WIPF1: variants seen among roughly 807,000 people sequenced by gnomAD.
WIPF1 encodes WAS/WASL-interacting protein family member 1.
A neutral mutation model predicts 35.4 loss-of-function variants in WIPF1; 13 were observed. The observed-to-expected ratio is 0.37, with a 90% CI of 0.24 to 0.58. The LOEUF is 0.58. WIPF1 is among the 20% of genes least tolerant of loss of function. The pLI is 0.74. For missense variants in WIPF1, 591 were observed against 667.0 expected, an observed-to-expected ratio of 0.89 and a Z score of 1.25; for synonymous variants, 267 against 266.3, an observed-to-expected ratio of 1.00 and a Z score of -0.02.
At chr2:174,659,215 A>G (rs1156626684) in intron 1 of WIPF1, among the ~76,000 whole-genome samples, 1 of 152,140 alleles carries the variant, frequency 6.6e-6, no homozygotes, top group Non-Finnish European at 1.5e-5. Flanking sequence ...CAATCCTCCT[A>G]CCTCAGCCTC....
At chr2:174,649,583 CA>C (rs1211120484) in intron 1 of WIPF1, among the ~76,000 whole-genome samples, 2 of 152,128 alleles carry the variant, frequency 1.3e-5, no homozygotes, top group African/African-American at 4.8e-5. Context: ...AAGGAAACCC[CA>C]ATAAAAGCTC....
At position 174,661,758 on chromosome 2, in the gene WIPF1, T is replaced by A. The variant is rs373482507; in HGVS notation, c.-39+21016A>T. The stretch of plus-strand genomic sequence containing the variant: ...TCAACAGTGAGCACTTAATAAATGT[T>A]TGTTGAATGAATAGATCAAGCAAAA... On this transcript the variant is annotated intron_variant, in intron 1 of 8. Coordinates refer to the WIPF1 transcript ENST00000272746. 1.4e-4 allele frequency among the ~76,000 whole-genome samples: 21 copies of A among 152,244 alleles called. No homozygotes were observed. In the East Asian group the frequency reaches 2.7e-3, roughly 20 times the overall value.
chr2:174,667,172 G>T lies in WIPF1; in HGVS notation c.-39+15602C>A, dbSNP rs74690501. Among the ~76,000 whole-genome samples, 750 of 152,326 alleles carry T rather than the reference G, an allele frequency of 4.9e-3. 9 individuals carry two copies. The highest frequency in any genetic ancestry group is 0.017 in the African/African-American group (725 of 41,570). On this transcript the variant is annotated intron_variant, in intron 1 of 8. Coordinates refer to the WIPF1 transcript ENST00000272746. ...AGCTCACCACTGGGGCTGACAGTGA[G>T]CGAGGCCCGAAGGGAGGGAAGGAAT...
chr2:174,621,620 A>G (rs1319701127), intron 1 of WIPF1, among the ~76,000 whole-genome samples: 1 of 152,216 alleles, frequency 6.6e-6, no homozygotes, highest in Non-Finnish European at 1.5e-5. Flanking sequence ...TCTAATAGCC[A>G]CATTAAAAAA....
intron 1 of WIPF1, among the ~76,000 whole-genome samples, chr2:174,642,068 T>A (rs1191818091): frequency 6.6e-6 from 1 of 152,164 alleles, no homozygotes; most frequent in Non-Finnish European, 1.5e-5. Context: ...CATACCAAGA[T>A]AGAATACCAA....
intron 2 of WIPF1, among the ~76,000 whole-genome samples, chr2:174,581,889 A>C (rs1685252888): frequency 6.6e-6 from 1 of 152,236 alleles, no homozygotes; most frequent in Admixed American, 6.5e-5. Flanking sequence ...TAGCAAAAAG[A>C]GTCAGCTGTA....
chr2:174,648,397 C>T (rs1271920318), intron 1 of WIPF1, among the ~76,000 whole-genome samples: 1 of 152,168 alleles, frequency 6.6e-6, no homozygotes, highest in Non-Finnish European at 1.5e-5. Context: ...CATCTGCATA[C>T]AGAAATGATC....
intron 1 of WIPF1, among the ~76,000 whole-genome samples, chr2:174,591,151 A>G (rs903678983): frequency 5.3e-5 from 8 of 152,226 alleles, no homozygotes; most frequent in Non-Finnish European, 8.8e-5. Flanking sequence ...GTGAAGACGC[A>G]GTGAGAAGGT....
chr2:174,677,699 C>T (rs1197621163), intron 1 of WIPF1, among the ~76,000 whole-genome samples: 4 of 152,120 alleles, frequency 2.6e-5, no homozygotes, highest in Admixed American at 1.3e-4. Context: ...TCTATTATTT[C>T]GACTTTTCAG....
Position 174,571,323 on chromosome 2 carries a change from C to A in WIPF1, c.1129+353G>T. ...CTGCGGGAGGTGGGGACTTATTTTC[C>A]CAATTAAGACCGCCGAAATTCTCTC... On this transcript the variant is annotated intron_variant, in intron 5 of 7. Transcript: ENST00000679041. This position sits in a 1 kb window ranked among gnomAD's most constrained non-coding sequence, Gnocchi z 4.6. 2.0e-6 allele frequency: 1 copy of A among 493,734 alleles called. No homozygotes were observed. The highest frequency in any genetic ancestry group is 2.7e-5 in the South Asian group (1 of 36,872). The allele number at this position is 493,734 out of a possible 1,614,324, so 30.6% of individuals were successfully genotyped here.
chr2:174,657,533 C>T (rs1290830924), intron 1 of WIPF1, among the ~76,000 whole-genome samples: 4 of 152,098 alleles, frequency 2.6e-5, no homozygotes, highest in Admixed American at 1.3e-4. Flanking sequence ...ATGTCGATGT[C>T]CTGTCCACTA....
intron 7 of WIPF1, 136 bp from the exon 8 acceptor site, chr2:174,562,738 T>A: frequency 1.7e-6 from 2 of 1,166,926 alleles, no homozygotes; most frequent in Non-Finnish European, 2.5e-6. Context: ...GCGTATGTTG[T>A]GGATGAGAAG....
rs780660555 is a variant in WIPF1, at chr2:174,571,879, G to A, written c.926C>T (p.Pro309Leu). ...CCCGGGCCTGCTGGGAGGTGGCGGCGGAGGTGGGGCCTGTGAGGAGGCCGA... is the reference window on the plus strand; with the variant it reads ...CCCGGGCCTGCTGGGAGGTGGCGGCAGAGGTGGGGCCTGTGAGGAGGCCGA... Reference protein sequence around the residue: ...RPSASSQAPPPPPPPSRPGPP... With the variant: ...RPSASSQAPPLPPPPSRPGPP... The change falls in exon 5 of 8, where the codon CCG becomes CTG. Residue 309 changes from proline (P) to leucine (L), a missense_variant. By Grantham distance (98) the Pro-to-Leu change is moderately conservative. Coordinates refer to ENST00000679041, the MANE Select transcript of WIPF1 (RefSeq NM_001375834.1). The surrounding 1 kb of genome is among the most constrained non-coding windows in gnomAD (Gnocchi z 4.6). The A allele has an allele frequency of 2.5e-6, 4 of 1,613,012 alleles. No homozygotes were observed. Among genetic ancestry groups the A allele is most frequent in the African/African-American group, 2.7e-5 (2 of 74,782 alleles).
chr2:174,661,530 A>T (rs1035987545), intron 1 of WIPF1, among the ~76,000 whole-genome samples: 1 of 151,756 alleles, frequency 6.6e-6, no homozygotes, highest in South Asian at 2.1e-4. Flanking sequence ...TTCACATCTC[A>T]GCTCTAGAAG....
intron 1 of WIPF1, among the ~76,000 whole-genome samples, chr2:174,609,510 A>G (rs1686278947): frequency 6.6e-6 from 1 of 152,238 alleles, no homozygotes; most frequent in African/African-American, 2.4e-5. Flanking sequence ...GATCCTACGC[A>G]TACACGCAAA....
At chr2:174,640,616 TTTA>T (rs557354525) in intron 1 of WIPF1, among the ~76,000 whole-genome samples, 76 of 152,036 alleles carry the variant, frequency 5.0e-4, no homozygotes, top group Non-Finnish European at 8.2e-4. Context: ...TATGTATTTA[TTTA>T]TTATTATTAT....
intron 7 of WIPF1, among the ~76,000 whole-genome samples, chr2:174,563,636 C>T (rs1684554430): frequency 6.6e-6 from 1 of 152,142 alleles, no homozygotes; most frequent in Non-Finnish European, 1.5e-5. Context: ...GGCTTAAAAC[C>T]CATTCACATA....
intron 1 of WIPF1, among the ~76,000 whole-genome samples, chr2:174,636,256 G>A (rs1263972185): frequency 6.6e-6 from 1 of 152,056 alleles, no homozygotes; most frequent in African/African-American, 2.4e-5. Flanking sequence ...TGCTTAAGCC[G>A]TGTTCTGTGT....
rs1372552156 is a variant in WIPF1 at position 174,561,296 on chromosome 2, T to A, written c.*1251A>T. 6.6e-6 allele frequency: 1 copy of A among 152,526 alleles called. No homozygotes were observed. The highest frequency in any genetic ancestry group is 1.5e-5 in the Non-Finnish European group (1 of 68,050). 9.4% of individuals were successfully genotyped at this position (152,526 alleles called of 1,614,324 possible). ...TGCCCACCAACTCAAATCGGTTCCC[T>A]TCTTCTTCCATGTTTCTGATTTGAT... On this transcript the variant is annotated 3_prime_UTR_variant, in exon 8 of 8. Coordinates refer to ENST00000679041, the MANE Select transcript of WIPF1 (RefSeq NM_001375834.1).
Sources: gnomAD v4.1 joint callset for allele counts (sites outside exome capture counted in the v4.1 genomes callset) on GRCh38, gnomAD v4.1.1 for gene constraint, Gnocchi (gnomAD v3.1) non-coding constraint, MANE v1.5 for transcripts, NCBI Gene and HGNC (gene_info 2026-07-23, HGNC 2026-07-21) for gene names.